The following OGDH variants were observed in gnomAD, a reference collection of about 807,000 sequenced individuals.
The protein encoded by OGDH is 2-oxoglutarate dehydrogenase complex component E1.
A neutral mutation model predicts 116.6 loss-of-function variants in OGDH; 38 were observed. The ratio of observed to expected loss-of-function variants is 0.33; its 90% CI spans 0.25 to 0.43. OGDH has a LOEUF of 0.43. OGDH is among the 20% of genes least tolerant of loss of function. The probability of loss-of-function intolerance (pLI) is 1.00; values close to 1 mark genes in which losing one functional copy is unlikely to be tolerated. For synonymous variants in OGDH, 488 were observed against 533.3 expected (o/e 0.92, Z 1.17); for missense variants, 825 against 1,357.2 (o/e 0.61, Z 6.16).
chr7:44,624,671 G>A (rs1785135135), intron 2 of OGDH, 106 bp downstream of exon 2: 6 of 931,326 alleles, frequency 6.4e-6, no homozygotes, highest in Admixed American at 3.6e-5. Flanking sequence ...GGGCAGACAG[G>A]CAGCTGGAGC....
At position 44,686,990 on chromosome 7, in the gene OGDH, T is replaced by C. The variant is rs914801723; in HGVS notation, c.1335+5142T>C. ...GCATGAGCCACCACACCCGGCCATA[T>C]TTTTCTTTGTCTAGTTTTCAGAAGT... On this transcript the variant is annotated intron_variant, in intron 10 of 22. Transcript: ENST00000222673. Among the ~76,000 whole-genome samples, 4 of 148,934 alleles carry C rather than the reference T, an allele frequency of 2.7e-5. 1 individual carries two copies. In the South Asian group the frequency reaches 8.5e-4, roughly 32 times the overall value.
At chr7:44,676,507 A>C (rs1787701023) in intron 9 of OGDH, 1 of 316,046 alleles carries the variant, frequency 3.2e-6, no homozygotes, top group African/African-American at 2.1e-5. Context: ...GTGAGCCGAG[A>C]TTACGCCATT....
At chr7:44,656,876 C>T (rs769849252) in intron 4 of OGDH, among the ~76,000 whole-genome samples, 2 of 152,172 alleles carry the variant, frequency 1.3e-5, no homozygotes, top group Admixed American at 6.5e-5. Context: ...TAGTGACCCT[C>T]GGTTGGGCAA....
chr7:44,624,601 G>A (rs1284153359), intron 2 of OGDH, 36 bp downstream of exon 2: 1 of 1,579,724 alleles, frequency 6.3e-7, no homozygotes, highest in Admixed American at 1.7e-5. Flanking sequence ...GCCTCATGTT[G>A]GTGTGTTGGC....
At chr7:44,611,404 G>A (rs1012250365) in intron 1 of OGDH, among the ~76,000 whole-genome samples, 1 of 151,968 alleles carries the variant, frequency 6.6e-6, no homozygotes, top group African/African-American at 2.4e-5. Flanking sequence ...GAGTAGCTGG[G>A]ACTACAGGTG....
intron 1 of OGDH, among the ~76,000 whole-genome samples, chr7:44,606,884 G>A (rs1367140495): frequency 6.6e-6 from 1 of 152,148 alleles, no homozygotes; most frequent in Non-Finnish European, 1.5e-5. Flanking sequence ...TGCCCGGCGG[G>A]CGGAGATTGG....
chr7:44,635,178 C>T (rs1424967124), intron 2 of OGDH, among the ~76,000 whole-genome samples: 1 of 152,184 alleles, frequency 6.6e-6, no homozygotes, highest in Non-Finnish European at 1.5e-5. Flanking sequence ...TCCAGGCTGG[C>T]TGGTCACATG....
Position 44,678,869 on chromosome 7 carries a change from A to G in OGDH, c.1206+2720A>G, listed in dbSNP as rs367628902. On this transcript the variant is annotated intron_variant, in intron 9 of 22. Transcript: ENST00000222673. Reference sequence around the variant, plus strand: ...CTCAGCATTTTTCGTGAAGAATTACATACTTTCTGTAAGTGCAGCTGAGGT... The same window carrying G: ...CTCAGCATTTTTCGTGAAGAATTACGTACTTTCTGTAAGTGCAGCTGAGGT... Among the ~76,000 whole-genome samples the G allele has an allele frequency of 1.6e-4, 24 of 152,338 alleles. 1 individual carries two copies. Among genetic ancestry groups the G allele is most frequent in the Admixed American group, 7.2e-4 (11 of 15,300 alleles).
At chr7:44,613,795 C>T (rs1026029810) in intron 1 of OGDH, among the ~76,000 whole-genome samples, 2 of 147,672 alleles carry the variant, frequency 1.4e-5, no homozygotes, top group Non-Finnish European at 3.0e-5. Context: ...TGGGCCCAGC[C>T]ACCTGGCTTT....
At chr7:44,619,795 T>G (rs556857737) in intron 1 of OGDH, among the ~76,000 whole-genome samples, 1 of 152,304 alleles carries the variant, frequency 6.6e-6, no homozygotes, top group South Asian at 2.1e-4. Flanking sequence ...GTGTAATTGC[T>G]GTGTTATATG....
chr7:44,629,675 G>A (rs1785352982), intron 2 of OGDH, among the ~76,000 whole-genome samples: 1 of 149,926 alleles, frequency 6.7e-6, no homozygotes, highest in African/African-American at 2.5e-5. Flanking sequence ...CGCTTCCTGG[G>A]TTCAAGCAAT....
chr7:44,680,523 T>C (rs1787882397), intron 9 of OGDH, among the ~76,000 whole-genome samples: 1 of 147,958 alleles, frequency 6.8e-6, no homozygotes, highest in African/African-American at 2.6e-5. Context: ...CAATACAAAC[T>C]CATAGTTTTA....
At chr7:44,683,513 G>A (rs1788015125) in intron 10 of OGDH, among the ~76,000 whole-genome samples, 1 of 152,114 alleles carries the variant, frequency 6.6e-6, no homozygotes, top group African/African-American at 2.4e-5. Context: ...TTGTAGGTGT[G>A]ATCCACCATG....
chr7:44,635,837 G>A (rs1236089081), intron 2 of OGDH, among the ~76,000 whole-genome samples: 1 of 151,648 alleles, frequency 6.6e-6, no homozygotes, highest in Non-Finnish European at 1.5e-5. Context: ...CCTGAGTAAT[G>A]GGGATTACGG....
At chr7:44,644,510 T>A (rs909556068) in intron 2 of OGDH, among the ~76,000 whole-genome samples, 11 of 152,226 alleles carry the variant, frequency 7.2e-5, no homozygotes, top group African/African-American at 2.4e-4. Context: ...ACTAGGGTAG[T>A]CTTTACAGCA....
chr7:44,622,345 A>G lies in OGDH; in HGVS notation c.-27-1972A>G, dbSNP rs560304480. ...TAGGAAGAACTACCGAATTAACTTA[A>G]AACTTTTGATTTCTAAAGTGAAAAC... On this transcript the variant is annotated intron_variant, in intron 1 of 22. Coordinates refer to ENST00000222673, the MANE Select transcript of OGDH (RefSeq NM_002541.4). Among the ~76,000 whole-genome samples, 4 of 152,332 alleles carry G rather than the reference A, an allele frequency of 2.6e-5. No individual in the cohort carries two copies. In the South Asian group the frequency reaches 8.3e-4, roughly 32 times the overall value.
chr7:44,613,890 T>C (rs1784666222), intron 1 of OGDH, among the ~76,000 whole-genome samples: 2 of 139,696 alleles, frequency 1.4e-5, no homozygotes, highest in Admixed American at 7.8e-5. Context: ...CACTGCAACC[T>C]CCACCTCTCA....
At position 44,708,098 on chromosome 7, in the gene OGDH, C is replaced by T. The variant is rs953668209; in HGVS notation, c.*99C>T. ...AGTGCCTCAGCGCTGCCCACACCAC[C>T]GCCCTCCTCGCTGTGCCACCACCCC... On this transcript the variant is annotated 3_prime_UTR_variant, in exon 23 of 23. Coordinates refer to ENST00000222673, the MANE Select transcript of OGDH (RefSeq NM_002541.4). 81 of 1,459,876 alleles carry T rather than the reference C, an allele frequency of 5.5e-5. 1 individual carries two copies. The highest frequency in any genetic ancestry group is 2.5e-4 in the East Asian group (11 of 43,732). The allele number at this position is 1,459,876 out of a possible 1,614,324, so 90.4% of individuals were successfully genotyped here.
chr7:44,636,675 G>A (rs937594170), intron 2 of OGDH, among the ~76,000 whole-genome samples: 1 of 152,252 alleles, frequency 6.6e-6, no homozygotes, highest in African/African-American at 2.4e-5. Context: ...ACTGGTCACT[G>A]TGAGGAAAGT....
Sources: allele counts gnomAD v4.1 joint callset (sites outside exome capture counted in the v4.1 genomes callset), GRCh38; gene constraint gnomAD v4.1.1; transcripts MANE v1.5; gene names NCBI Gene and HGNC (gene_info 2026-07-23, HGNC 2026-07-21).